ADGRL3: variants seen among roughly 807,000 people sequenced by gnomAD.
ADGRL3 encodes calcium-independent alpha-latrotoxin receptor 3.
In ADGRL3, 62 loss-of-function variants were observed where a neutral mutation model predicts 153.5. That is an observed-to-expected ratio of 0.40 (90% CI 0.33 to 0.50). The LOEUF (loss-of-function observed/expected upper bound fraction) is 0.50. ADGRL3 is among the 20% of genes least tolerant of loss of function. The pLI is 0.47. For synonymous variants in ADGRL3, 710 were observed against 672.5 expected (o/e 1.06, Z -0.86); for missense variants, 1,641 against 1,859.4 (o/e 0.88, Z 2.16).
chr4:61,619,450 A>G (rs1016571021), intron 5 of ADGRL3, among the ~76,000 whole-genome samples: 6 of 152,240 alleles, frequency 3.9e-5, no homozygotes, highest in African/African-American at 1.4e-4. Flanking sequence ...GCTACTCAGC[A>G]CAGACATTTG....
intron 1 of ADGRL3, among the ~76,000 whole-genome samples, chr4:61,365,587 T>C (rs939691102): frequency 6.6e-6 from 1 of 152,260 alleles, no homozygotes; most frequent in African/African-American, 2.4e-5. Flanking sequence ...CAGTATCTGC[T>C]GAGGCTGGGG....
At chr4:61,267,373 C>T (rs1426010223) in intron 1 of ADGRL3, among the ~76,000 whole-genome samples, 3 of 151,636 alleles carry the variant, frequency 2.0e-5, no homozygotes, top group African/African-American at 7.3e-5. Context: ...ATACCTGTAA[C>T]CCTACTGTAC....
intron 5 of ADGRL3, among the ~76,000 whole-genome samples, chr4:61,603,114 AT>A (rs771156853): frequency 3.3e-5 from 5 of 152,186 alleles, no homozygotes; most frequent in Non-Finnish European, 7.3e-5. Flanking sequence ...TCACGGTGAC[AT>A]TTCATTCTGT....
At chr4:61,688,426 A>G (rs1016964620) in intron 6 of ADGRL3, among the ~76,000 whole-genome samples, 1 of 152,128 alleles carries the variant, frequency 6.6e-6, no homozygotes, top group African/African-American at 2.4e-5. Context: ...TGTTCTAATC[A>G]AGTTACTTTA....
chr4:61,530,685 T>C (rs335302), intron 4 of ADGRL3, among the ~76,000 whole-genome samples: 120,143 of 152,092 alleles, frequency 0.79, 47,726 homozygotes, highest in East Asian at 0.94. Flanking sequence ...TCTATAGTGC[T>C]GCATTAATTT....
intron 1 of ADGRL3, among the ~76,000 whole-genome samples, chr4:61,203,171 C>T (rs1215433448): frequency 1.3e-5 from 2 of 152,168 alleles, no homozygotes; most frequent in Admixed American, 1.3e-4. Flanking sequence ...CAGCGTAACT[C>T]CTGGTCCCTG....
At chr4:61,254,323 A>T (rs1048554043) in intron 1 of ADGRL3, among the ~76,000 whole-genome samples, 1 of 152,172 alleles carries the variant, frequency 6.6e-6, no homozygotes, top group Admixed American at 6.5e-5. Context: ...TTAATGAGTT[A>T]GGGATATAGT....
chr4:61,592,057 C>T (rs556592765), intron 5 of ADGRL3, among the ~76,000 whole-genome samples: 14 of 115,724 alleles, frequency 1.2e-4, no homozygotes, highest in African/African-American at 4.6e-4. Context: ...GCCTGGGTGA[C>T]AGAATGAAAC....
At chr4:61,282,633 CT>C (rs150739804) in intron 1 of ADGRL3, among the ~76,000 whole-genome samples, 5 of 151,634 alleles carry the variant, frequency 3.3e-5, no homozygotes, top group African/African-American at 4.8e-5. Flanking sequence ...GGGATGCTAA[CT>C]TTTTTTTACT....
At chr4:62,053,449 A>G (rs1016783651) in intron 25 of ADGRL3, among the ~76,000 whole-genome samples, 8 of 151,550 alleles carry the variant, frequency 5.3e-5, no homozygotes, top group African/African-American at 1.9e-4. Context: ...AGCTTTCTTC[A>G]TAATTTGTCA....
chr4:61,495,990 G>A (rs765705859), intron 2 of ADGRL3, among the ~76,000 whole-genome samples: 5 of 152,004 alleles, frequency 3.3e-5, no homozygotes, highest in Non-Finnish European at 7.4e-5. Flanking sequence ...ATGAAATTTC[G>A]GGCATAATAA....
chr4:61,750,663 G>A (rs1181892346), intron 8 of ADGRL3, among the ~76,000 whole-genome samples: 1 of 151,136 alleles, frequency 6.6e-6, no homozygotes, highest in African/African-American at 2.4e-5. Context: ...AGTGGCGGGC[G>A]CCTGTAGTCC....
intron 17 of ADGRL3, among the ~76,000 whole-genome samples, chr4:61,974,206 C>A (rs1364749604): frequency 6.6e-6 from 1 of 152,088 alleles, no homozygotes; most frequent in Non-Finnish European, 1.5e-5. Flanking sequence ...GGACTCAAAG[C>A]AGTCCACCTG....
chr4:61,489,853 A>T (rs2098238713), intron 2 of ADGRL3, among the ~76,000 whole-genome samples: 1 of 152,092 alleles, frequency 6.6e-6, no homozygotes, highest in Admixed American at 6.6e-5. Context: ...TTTGCTGTAA[A>T]TATTTACCCC....
chr4:61,297,415 G>C (rs1297240490), intron 1 of ADGRL3, among the ~76,000 whole-genome samples: 2 of 152,040 alleles, frequency 1.3e-5, no homozygotes, highest in Non-Finnish European at 2.9e-5. Context: ...GAATGGGGAC[G>C]TGTCTATACT....
intron 6 of ADGRL3, among the ~76,000 whole-genome samples, chr4:61,716,990 C>G (rs545492856): frequency 6.6e-6 from 1 of 152,000 alleles, no homozygotes; most frequent in South Asian, 2.1e-4. Flanking sequence ...AGAACTTGAC[C>G]ATGGTGTGAT....
intron 1 of ADGRL3, among the ~76,000 whole-genome samples, chr4:61,250,755 TC>T (rs1480237882): frequency 2.0e-5 from 3 of 152,278 alleles, no homozygotes; most frequent in African/African-American, 4.8e-5. Flanking sequence ...TACAAATAAC[TC>T]CAGGTAAATA....
chr4:61,456,374 T>A (rs1180647266), intron 2 of ADGRL3, among the ~76,000 whole-genome samples: 1 of 134,696 alleles, frequency 7.4e-6, no homozygotes, highest in Non-Finnish European at 1.5e-5. Flanking sequence ...TATAGATATA[T>A]CTATATATAT....
intron 9 of ADGRL3, among the ~76,000 whole-genome samples, chr4:61,867,761 G>C (rs1422253585): frequency 6.6e-6 from 1 of 151,574 alleles, no homozygotes; most frequent in Non-Finnish European, 1.5e-5. Flanking sequence ...CTAGACAAAA[G>C]GTGACAATAA....
Sources: gnomAD v4.1 joint callset for allele counts (sites outside exome capture counted in the v4.1 genomes callset) on GRCh38, gnomAD v4.1.1 for gene constraint, MANE v1.5 for transcripts, NCBI Gene and HGNC (gene_info 2026-07-23, HGNC 2026-07-21) for gene names.